ARHGAP6: variants seen among roughly 807,000 people sequenced by gnomAD.
The protein encoded by ARHGAP6 is Rho GTPase activating protein 6.
Under a neutral mutation model 55.7 loss-of-function variants are expected in ARHGAP6, and 16 were observed. The ratio of observed to expected loss-of-function variants is 0.29; its 90% CI spans 0.19 to 0.44. The LOEUF (loss-of-function observed/expected upper bound fraction) is 0.44. Ranked by LOEUF, ARHGAP6 falls within the 20% of genes least tolerant of loss-of-function variation. The pLI is 1.00. For missense variants in ARHGAP6, 698 were observed against 808.9 expected (o/e 0.86, Z 1.66); for synonymous variants, 382 against 360.9 (o/e 1.06, Z -0.66).
chrX:11,512,964 G>C (rs1459913243), intron 1 of ARHGAP6, among the ~76,000 whole-genome samples: 1 of 111,891 alleles, frequency 8.9e-6, no homozygotes, highest in African/African-American at 3.3e-5. Flanking sequence ...AGATATATAA[G>C]CATCAGGTTT....
intron 2 of ARHGAP6, among the ~76,000 whole-genome samples, chrX:11,250,103 G>A (rs1396261977): frequency 1.8e-5 from 2 of 111,212 alleles, no homozygotes; most frequent in African/African-American, 6.5e-5. Flanking sequence ...TAATTCTTCA[G>A]TTTTGTGACA....
chrX:11,142,006 C>T (rs2045627197), intron 12 of ARHGAP6, among the ~76,000 whole-genome samples: 1 of 111,528 alleles, frequency 9.0e-6, no homozygotes, highest in Admixed American at 9.5e-5. Context: ...TACAAAGTTG[C>T]ACAGACAGAG....
chrX:11,184,003 C>A (rs2046353486), intron 5 of ARHGAP6, among the ~76,000 whole-genome samples: 1 of 111,606 alleles, frequency 9.0e-6, no homozygotes, highest in Non-Finnish European at 1.9e-5. Flanking sequence ...GATATTGGAG[C>A]TGCTAACCGC....
chrX:11,374,299 C>G (rs2049175845), intron 1 of ARHGAP6, among the ~76,000 whole-genome samples: 2 of 111,733 alleles, frequency 1.8e-5, no homozygotes, highest in African/African-American at 3.3e-5. Context: ...AGTAGTCACT[C>G]CCTCTCAGGT....
intron 1 of ARHGAP6, among the ~76,000 whole-genome samples, chrX:11,608,865 T>C (rs780873624): frequency 9.0e-6 from 1 of 111,372 alleles, no homozygotes; most frequent in South Asian, 3.8e-4. Flanking sequence ...GAAATGTAAG[T>C]CTAATTAAAC....
chrX:11,326,615 T>C (rs2048502554), intron 1 of ARHGAP6, among the ~76,000 whole-genome samples: 1 of 111,843 alleles, frequency 8.9e-6, no homozygotes, highest in African/African-American at 3.2e-5. Context: ...ATCGTAGAAA[T>C]CAATATAACT....
In ARHGAP6 at chrX:11,186,241, T is replaced by A; in HGVS notation, c.1268A>T (p.Lys423Ile). The change falls in exon 5 of 13, where the codon AAA becomes ATA. Residue 423 changes from lysine (K) to isoleucine (I), a missense_variant. Coordinates refer to ENST00000337414, the MANE Select transcript of ARHGAP6 (RefSeq NM_013427.3). ...AGACAGACAAGTCTACTTACCATGTTTTTCTAGGTGCTGACAGCAGCTGTC... is the reference window on the plus strand; with the variant it reads ...AGACAGACAAGTCTACTTACCATGTATTTCTAGGTGCTGACAGCAGCTGTC... ...LVDSCCQHLE[K>I]HGLQTVGIFR... The A allele has an allele frequency of 8.3e-7, 1 of 1,208,350 alleles. No homozygotes were observed. The highest frequency in any genetic ancestry group is 1.1e-6 in the Non-Finnish European group (1 of 893,548).
At chrX:11,271,149 T>C (rs1274991128) in intron 1 of ARHGAP6, among the ~76,000 whole-genome samples, 1 of 111,544 alleles carries the variant, frequency 9.0e-6, no homozygotes, top group African/African-American at 3.3e-5. Context: ...GTAGGGCAGG[T>C]CATTTATTCT....
intron 1 of ARHGAP6, among the ~76,000 whole-genome samples, chrX:11,488,688 A>G (rs865964376): frequency 9.0e-6 from 1 of 110,822 alleles, no homozygotes; most frequent in Non-Finnish European, 1.9e-5. Context: ...CGGCTGCATG[A>G]TATTCTCAAA....
intron 1 of ARHGAP6, among the ~76,000 whole-genome samples, chrX:11,330,844 T>G (rs2048554515): frequency 8.9e-6 from 1 of 112,027 alleles, no homozygotes; most frequent in African/African-American, 3.2e-5. Flanking sequence ...AGCTGCAGGA[T>G]CCCTCTCTTC....
rs778841094 is a variant in ARHGAP6 at position 11,646,136 on chromosome X, C to T, written c.588+18105G>A. Among the ~76,000 whole-genome samples the T allele has an allele frequency of 3.6e-5, 4 of 111,466 alleles. No individual in the cohort carries two copies. In the East Asian group the frequency reaches 1.1e-3, roughly 32 times the overall value. ...AAAGAGAAAAGCGAAGGAGGAACTT[C>T]CACACACTTATAAAACCATCAGGTC... is the stretch of plus-strand genomic sequence containing the variant. On this transcript the variant is annotated intron_variant, in intron 1 of 12. Coordinates refer to ENST00000337414, the MANE Select transcript of ARHGAP6 (RefSeq NM_013427.3).
chrX:11,554,591 A>T (rs1019608244), intron 1 of ARHGAP6, among the ~76,000 whole-genome samples: 1 of 112,212 alleles, frequency 8.9e-6, no homozygotes, highest in Non-Finnish European at 1.9e-5. Context: ...TGTCAATTTT[A>T]AAAAAGAATC....
intron 1 of ARHGAP6, among the ~76,000 whole-genome samples, chrX:11,360,274 C>A (rs1344318169): frequency 8.1e-5 from 9 of 111,535 alleles, no homozygotes; most frequent in Non-Finnish European, 1.3e-4. Flanking sequence ...ACTGGCAAAC[C>A]GAATCTAGCA....
At chrX:11,275,999 A>G (rs1174966292) in intron 1 of ARHGAP6, among the ~76,000 whole-genome samples, 1 of 111,946 alleles carries the variant, frequency 8.9e-6, no homozygotes, top group Non-Finnish European at 1.9e-5. Context: ...CCAAAACATG[A>G]CCAAAGGAAA....
intron 1 of ARHGAP6, among the ~76,000 whole-genome samples, chrX:11,522,279 A>G (rs1440478201): frequency 9.0e-6 from 1 of 111,482 alleles, no homozygotes. Flanking sequence ...CACAAGAGAA[A>G]GCAGGAAAGA....
chrX:11,492,832 A>G (rs771201435), intron 1 of ARHGAP6, among the ~76,000 whole-genome samples: 1 of 112,469 alleles, frequency 8.9e-6, no homozygotes, highest in African/African-American at 3.2e-5. Context: ...GCTACACTTC[A>G]ATTCTCGGCC....
intron 1 of ARHGAP6, among the ~76,000 whole-genome samples, chrX:11,448,022 G>C (rs757909462): frequency 5.3e-5 from 6 of 112,225 alleles, no homozygotes; most frequent in African/African-American, 1.9e-4. Context: ...GAATAACCAA[G>C]GCAGACTTCT....
At chrX:11,143,609 G>A (rs2147266924) in intron 11 of ARHGAP6, 1 of 958,471 alleles carries the variant, frequency 1.0e-6, no homozygotes, top group East Asian at 4.1e-5. Flanking sequence ...TGTAACAGCA[G>A]TAATTGGGTG....
intron 2 of ARHGAP6, among the ~76,000 whole-genome samples, chrX:11,241,667 A>G (rs930363674): frequency 1.1e-4 from 12 of 110,368 alleles, no homozygotes; most frequent in African/African-American, 4.0e-4. Context: ...ATTAACTTAT[A>G]CTTAACAGTT....
Sources: allele counts gnomAD v4.1 joint callset (sites outside exome capture counted in the v4.1 genomes callset), GRCh38; gene constraint gnomAD v4.1.1; transcripts MANE v1.5; gene names NCBI Gene and HGNC (gene_info 2026-07-23, HGNC 2026-07-21).